Variants in NRXN1 observed in about 807,000 individuals in gnomAD.
NRXN1 encodes the protein neurexin 1, also known as neurexin-1.
Under a neutral mutation model 150.9 loss-of-function variants are expected in NRXN1, and 39 were observed. The observed-to-expected ratio is 0.26, with a 90% confidence interval of 0.20 to 0.34. The LOEUF (loss-of-function observed/expected upper bound fraction) is 0.34. Ranked by LOEUF, NRXN1 falls within the 10% of genes least tolerant of loss-of-function variation. The pLI is 1.00. For missense variants in NRXN1, 1,815 were observed against 1,949.9 expected, an observed-to-expected ratio of 0.93 and a Z score of 1.30; for synonymous variants, 924 against 757.0, an observed-to-expected ratio of 1.22 and a Z score of -3.62.
At chr2:50,120,014 T>C (rs2152735000) in intron 18 of NRXN1, among the ~76,000 whole-genome samples, 1 of 152,330 alleles carries the variant, frequency 6.6e-6, no homozygotes, top group South Asian at 2.1e-4. Flanking sequence ...TTAGTTGTTC[T>C]GGACTTCAGC....
At chr2:50,378,870 G>A (rs1372084326) in intron 17 of NRXN1, among the ~76,000 whole-genome samples, 1 of 152,104 alleles carries the variant, frequency 6.6e-6, no homozygotes, top group Non-Finnish European at 1.5e-5. Context: ...AAAGCAATCT[G>A]ACTTCACACA....
At chr2:50,949,035 C>A (rs1690858084) in intron 2 of NRXN1, among the ~76,000 whole-genome samples, 1 of 151,878 alleles carries the variant, frequency 6.6e-6, no homozygotes, top group Non-Finnish European at 1.5e-5. Context: ...TCTATAAACC[C>A]AAGGAAATAT....
intron 17 of NRXN1, among the ~76,000 whole-genome samples, chr2:50,252,258 C>CTTTTTTTTTTTTT (rs143522284): frequency 5.3e-4 from 37 of 69,706 alleles, no homozygotes; most frequent in Admixed American, 1.4e-3. Context: ...TTTTTCTTTT[C>CTTTTTTTTTTTTT]TTTTTTTTTT....
At chr2:50,301,439 A>G (rs1404239084) in intron 17 of NRXN1, among the ~76,000 whole-genome samples, 2 of 152,222 alleles carry the variant, frequency 1.3e-5, no homozygotes, top group Non-Finnish European at 2.9e-5. Flanking sequence ...GCACAACATC[A>G]TACATTTAAC....
At chr2:50,718,367 T>C (rs1324408218) in intron 5 of NRXN1, among the ~76,000 whole-genome samples, 1 of 152,090 alleles carries the variant, frequency 6.6e-6, no homozygotes, top group Non-Finnish European at 1.5e-5. Flanking sequence ...ACATGAAGGC[T>C]GGGAGCTGGG....
chr2:50,298,877 T>A (rs1289087194), intron 17 of NRXN1, among the ~76,000 whole-genome samples: 1 of 152,148 alleles, frequency 6.6e-6, no homozygotes, highest in Non-Finnish European at 1.5e-5. Context: ...CTCAAGTCAC[T>A]CAAACTCTCC....
chr2:50,036,654 A>G (rs938996004), intron 21 of NRXN1, among the ~76,000 whole-genome samples: 28 of 152,288 alleles, frequency 1.8e-4, no homozygotes, highest in African/African-American at 6.7e-4. Context: ...CATGGCCAAA[A>G]TTCTTGCAAT....
intron 5 of NRXN1, among the ~76,000 whole-genome samples, chr2:50,672,389 C>T (rs1028592225): frequency 6.6e-6 from 1 of 151,918 alleles, no homozygotes; most frequent in African/African-American, 2.4e-5. Flanking sequence ...TCAAATGTGG[C>T]TATGCTTTAT....
At chr2:49,936,056 G>A (rs1670971777) in intron 22 of NRXN1, among the ~76,000 whole-genome samples, 1 of 152,138 alleles carries the variant, frequency 6.6e-6, no homozygotes. Flanking sequence ...TCTAAGGCTG[G>A]ATACATACAG....
intron 5 of NRXN1, among the ~76,000 whole-genome samples, chr2:50,728,406 A>C (rs571983452): frequency 6.6e-6 from 1 of 152,194 alleles, no homozygotes; most frequent in Admixed American, 6.5e-5. Context: ...TGAATTGCAC[A>C]CAAAGTATTC....
At chr2:50,032,847 T>C (rs1317354776) in intron 21 of NRXN1, among the ~76,000 whole-genome samples, 1 of 151,826 alleles carries the variant, frequency 6.6e-6, no homozygotes, top group African/African-American at 2.4e-5. Flanking sequence ...CACTTTAATA[T>C]TGGACTTTCC....
chr2:50,719,754 T>C (rs1285991735), intron 5 of NRXN1, among the ~76,000 whole-genome samples: 3 of 152,196 alleles, frequency 2.0e-5, no homozygotes, highest in African/African-American at 4.8e-5. Flanking sequence ...ATTATTAGCA[T>C]AAAAGTATCT....
chr2:50,276,449 T>A (rs531121936), intron 17 of NRXN1, among the ~76,000 whole-genome samples: 1 of 152,218 alleles, frequency 6.6e-6, no homozygotes, highest in Non-Finnish European at 1.5e-5. Flanking sequence ...AGCAAGATTA[T>A]AGTGTAGGGC....
intron 5 of NRXN1, among the ~76,000 whole-genome samples, chr2:50,669,033 G>A (rs186686456): frequency 6.6e-6 from 1 of 152,050 alleles, no homozygotes; most frequent in African/African-American, 2.4e-5. Context: ...GGGAACTGGA[G>A]AGAAGAAAAT....
chr2:50,584,373 T>A (rs1424179410), intron 8 of NRXN1, among the ~76,000 whole-genome samples: 2 of 152,194 alleles, frequency 1.3e-5, no homozygotes, highest in Non-Finnish European at 2.9e-5. Flanking sequence ...ATACTTTTCT[T>A]CCATGCACCC....
chr2:50,930,656 T>C (rs1295474422), intron 2 of NRXN1, among the ~76,000 whole-genome samples: 5 of 152,174 alleles, frequency 3.3e-5, no homozygotes, highest in African/African-American at 7.2e-5. Flanking sequence ...TCAACATTCA[T>C]TTCAATAGTT....
At chr2:50,248,814 G>T (rs532960644) in intron 17 of NRXN1, among the ~76,000 whole-genome samples, 1 of 152,144 alleles carries the variant, frequency 6.6e-6, no homozygotes, top group South Asian at 2.1e-4. Context: ...ATCTAAGAGG[G>T]AAACTAGTGT....
Position 50,137,377 on chromosome 2 carries a change from G to A in NRXN1, c.3547-45883C>T, listed in dbSNP as rs1252305322. Among the ~76,000 whole-genome samples, 3 of 151,942 alleles carry A rather than the reference G, an allele frequency of 2.0e-5. No homozygotes were observed. The East Asian group carries it at 5.8e-4, about 29-fold the overall frequency. On this transcript the variant is annotated intron_variant, in intron 18 of 22. Coordinates refer to ENST00000401669, the MANE Select transcript of NRXN1 (RefSeq NM_001330078.2). ...ACAGCTACTACCGTTTGGAGATCACGGTCAGTAATGATGACCAGTCTAGGG... is the reference window on the plus strand; with the variant it reads ...ACAGCTACTACCGTTTGGAGATCACAGTCAGTAATGATGACCAGTCTAGGG...
At chr2:50,568,239 A>T (rs1670159146) in intron 8 of NRXN1, among the ~76,000 whole-genome samples, 1 of 152,184 alleles carries the variant, frequency 6.6e-6, no homozygotes, top group African/African-American at 2.4e-5. Context: ...CTAGACAAAG[A>T]TTTCTTGAAT....
Sources: gnomAD v4.1 joint callset for allele counts (sites outside exome capture counted in the v4.1 genomes callset) on GRCh38, gnomAD v4.1.1 for gene constraint, MANE v1.5 for transcripts, NCBI Gene and HGNC (gene_info 2026-07-23, HGNC 2026-07-21) for gene names.